Variants in PTK2 observed in about 807,000 individuals in gnomAD.
The protein encoded by PTK2 is focal adhesion kinase 1.
A neutral mutation model predicts 150.1 loss-of-function variants in PTK2; 45 were observed. That is an observed-to-expected ratio of 0.30 (90% CI 0.24 to 0.38). The LOEUF (loss-of-function observed/expected upper bound fraction) is 0.38. Ranked by LOEUF, PTK2 falls within the 10% of genes least tolerant of loss-of-function variation. The pLI is 1.00. For missense variants in PTK2, 919 were observed against 1,307.3 expected, an observed-to-expected ratio of 0.70 and a Z score of 4.58; for synonymous variants, 432 against 449.2, an observed-to-expected ratio of 0.96 and a Z score of 0.48.
At chr8:140,980,181 C>A (rs1211279815) in intron 1 of PTK2, among the ~76,000 whole-genome samples, 1 of 152,200 alleles carries the variant, frequency 6.6e-6, no homozygotes, top group East Asian at 1.9e-4. Flanking sequence ...AGCAAACCAA[C>A]TGCCCATCAA....
At chr8:140,756,976 G>A (rs1250281910) in intron 16 of PTK2, among the ~76,000 whole-genome samples, 3 of 149,488 alleles carry the variant, frequency 2.0e-5, no homozygotes, top group Non-Finnish European at 4.4e-5. Context: ...GCAACAGAGC[G>A]ATACTCCGTC....
intron 1 of PTK2, among the ~76,000 whole-genome samples, chr8:140,968,506 G>A (rs1251237164): frequency 6.6e-6 from 1 of 152,202 alleles, no homozygotes; most frequent in African/African-American, 2.4e-5. Flanking sequence ...AAACAGATTA[G>A]AGAGTTTAAG....
chr8:140,712,792 C>T (rs950508865), intron 23 of PTK2, among the ~76,000 whole-genome samples: 2 of 152,208 alleles, frequency 1.3e-5, no homozygotes, highest in Non-Finnish European at 2.9e-5. Flanking sequence ...CTGTCAAGAT[C>T]ACGGTAATAA....
chr8:140,921,720 A>G (rs950260977), intron 2 of PTK2, among the ~76,000 whole-genome samples: 3 of 152,218 alleles, frequency 2.0e-5, no homozygotes, highest in African/African-American at 7.2e-5. Flanking sequence ...GAGGTATCCA[A>G]GAGGCATGAT....
intron 30 of PTK2, 68 bp from the exon 35 acceptor site, chr8:140,665,065 A>G (rs2152818250): frequency 6.5e-6 from 9 of 1,384,338 alleles, no homozygotes; most frequent in East Asian, 4.7e-5. Flanking sequence ...TCAGTTATAT[A>G]TTTTTTTATT....
intron 1 of PTK2, among the ~76,000 whole-genome samples, chr8:140,982,575 C>A (rs549655333): frequency 3.3e-5 from 5 of 152,088 alleles, no homozygotes; most frequent in Admixed American, 2.0e-4. Flanking sequence ...CCAGCCTGGG[C>A]AACTGAGCAA....
chr8:140,719,068 C>T (rs879575056), intron 22 of PTK2, among the ~76,000 whole-genome samples: 3 of 151,876 alleles, frequency 2.0e-5, no homozygotes, highest in South Asian at 2.1e-4. Flanking sequence ...TCCAGCTACT[C>T]GGGAGGCTGA....
intron 1 of PTK2, among the ~76,000 whole-genome samples, chr8:140,933,814 G>A (rs1441550607): frequency 6.6e-6 from 1 of 152,022 alleles, no homozygotes; most frequent in Non-Finnish European, 1.5e-5. Flanking sequence ...ATTGATGGTG[G>A]TGATTGTACT....
At chr8:140,686,826 C>CA (rs1564371297) in intron 26 of PTK2, 132 bp from the exon 30 acceptor site, 2 of 777,678 alleles carry the variant, frequency 2.6e-6, no homozygotes, top group South Asian at 1.7e-5. Context: ...TCCCCCGTTT[C>CA]AAAAAAATTC....
chr8:140,671,556 T>C (rs1244946579), intron 29 of PTK2, among the ~76,000 whole-genome samples: 2 of 152,010 alleles, frequency 1.3e-5, no homozygotes, highest in South Asian at 2.1e-4. Flanking sequence ...TCTTTTAGGA[T>C]GGATTCAATG....
chr8:140,891,979 G>C (rs1402969395), intron 2 of PTK2, among the ~76,000 whole-genome samples: 3 of 152,152 alleles, frequency 2.0e-5, no homozygotes, highest in African/African-American at 7.2e-5. Flanking sequence ...GCTGAGGCGG[G>C]AAGACTGCTT....
At chr8:140,970,100 C>T (rs2100186717) in intron 1 of PTK2, among the ~76,000 whole-genome samples, 1 of 152,244 alleles carries the variant, frequency 6.6e-6, no homozygotes, top group East Asian at 1.9e-4. Flanking sequence ...CTCCAAGAAC[C>T]ATCCACTTCA....
chr8:140,959,488 G>A (rs1160785748), intron 1 of PTK2, among the ~76,000 whole-genome samples: 1 of 147,686 alleles, frequency 6.8e-6, no homozygotes, highest in Non-Finnish European at 1.5e-5. Context: ...GCAGTGAGCG[G>A]AGATCACGAC....
chr8:140,851,376 C>T (rs550403118), intron 5 of PTK2, among the ~76,000 whole-genome samples: 26 of 152,170 alleles, frequency 1.7e-4, no homozygotes, highest in Non-Finnish European at 2.2e-4. Context: ...GACTATCATG[C>T]GCCAGGATAT....
chr8:140,875,867 A>C (rs1599959364), intron 4 of PTK2, among the ~76,000 whole-genome samples: 1 of 152,192 alleles, frequency 6.6e-6, no homozygotes, highest in African/African-American at 2.4e-5. Context: ...TTTAAAGGCC[A>C]AACAGTTCAG....
chr8:140,901,228 ATC>A (rs57637314), intron 2 of PTK2, among the ~76,000 whole-genome samples: 62,435 of 149,928 alleles, frequency 0.42, 14,657 homozygotes, highest in Non-Finnish European at 0.55. Context: ...ATGAAATTAC[ATC>A]TCTCTCTCTC....
chr8:140,810,531 C>A (rs2100100873), intron 10 of PTK2, among the ~76,000 whole-genome samples: 2 of 152,206 alleles, frequency 1.3e-5, no homozygotes, highest in Non-Finnish European at 2.9e-5. Context: ...TCCCACGGGG[C>A]AGCCTCCATT....
At chr8:140,725,074 G>A (rs2100044951) in intron 22 of PTK2, among the ~76,000 whole-genome samples, 1 of 152,094 alleles carries the variant, frequency 6.6e-6, no homozygotes, top group African/African-American at 2.4e-5. Context: ...TGGTTATTGT[G>A]CTGTATCGAT....
At chr8:140,985,811 A>G (rs76627010) in intron 1 of PTK2, among the ~76,000 whole-genome samples, 3,520 of 152,364 alleles carry the variant, frequency 0.023, 139 homozygotes, top group African/African-American at 0.079. Context: ...TAAAACTGAC[A>G]TATTTGTAAG....
Sources: gnomAD v4.1 joint callset for allele counts (sites outside exome capture counted in the v4.1 genomes callset) on GRCh38, gnomAD v4.1.1 for gene constraint, MANE v1.5 for transcripts, NCBI Gene and HGNC (gene_info 2026-07-23, HGNC 2026-07-21) for gene names.